Variants in FRMD4A observed in about 807,000 individuals in gnomAD.
The protein encoded by FRMD4A is FERM domain-containing protein 4A.
FRMD4A carries 29 observed loss-of-function variants against 129.1 expected under a neutral mutation model. The ratio of observed to expected loss-of-function variants is 0.22; its 90% CI spans 0.17 to 0.31. FRMD4A has a LOEUF of 0.31. FRMD4A is among the 10% of genes least tolerant of loss of function. FRMD4A has a pLI of 1.00. For missense variants in FRMD4A, 1,272 were observed against 1,375.8 expected (o/e 0.92, Z 1.19); for synonymous variants, 634 against 571.6 (o/e 1.11, Z -1.56).
chr10:14,317,210 C>T (rs1846772887), intron 2 of FRMD4A, among the ~76,000 whole-genome samples: 1 of 152,168 alleles, frequency 6.6e-6, no homozygotes, highest in Non-Finnish European at 1.5e-5. Context: ...AACTCCTTGC[C>T]ATTTATTCTG....
intron 2 of FRMD4A, among the ~76,000 whole-genome samples, chr10:14,044,124 C>G (rs1833891571): frequency 6.6e-6 from 1 of 152,216 alleles, no homozygotes. Context: ...CCACTGTGTC[C>G]TGCCCTTTGG....
chr10:13,972,197 C>T (rs915829328), intron 2 of FRMD4A: 13 of 1,017,334 alleles, frequency 1.3e-5, no homozygotes, highest in Middle Eastern at 4.9e-4. Flanking sequence ...GAAGCACCAC[C>T]GAGTGTTGGG....
chr10:14,163,107 A>C (rs1840992473), intron 2 of FRMD4A, among the ~76,000 whole-genome samples: 1 of 152,310 alleles, frequency 6.6e-6, no homozygotes, highest in South Asian at 2.1e-4. Context: ...CTCAATGCTA[A>C]TTTAAACAAA....
At chr10:13,884,004 C>T (rs992068804) in intron 2 of FRMD4A, among the ~76,000 whole-genome samples, 2 of 151,800 alleles carry the variant, frequency 1.3e-5, no homozygotes, top group Admixed American at 6.6e-5. Flanking sequence ...AAAATTTTTT[C>T]GATGAACATT....
intron 2 of FRMD4A, among the ~76,000 whole-genome samples, chr10:14,102,133 T>A (rs543643781): frequency 6.6e-6 from 1 of 152,284 alleles, no homozygotes. Flanking sequence ...AGGTGGTCCA[T>A]AGATTGGAAG....
chr10:13,678,783 A>G (rs1245699374), intron 15 of FRMD4A, among the ~76,000 whole-genome samples: 1 of 152,206 alleles, frequency 6.6e-6, no homozygotes, highest in Non-Finnish European at 1.5e-5. Flanking sequence ...TCTTTAAAAA[A>G]ATTTTTTTAA....
chr10:14,221,737 T>C (rs78081069), intron 2 of FRMD4A, among the ~76,000 whole-genome samples: 1 of 139,790 alleles, frequency 7.2e-6, no homozygotes, highest in South Asian at 2.3e-4. Context: ...TTTTTTTTTT[T>C]AGAGATGGGG....
chr10:13,683,466 A>G (rs1589359685), intron 15 of FRMD4A, among the ~76,000 whole-genome samples: 3 of 152,048 alleles, frequency 2.0e-5, no homozygotes, highest in African/African-American at 7.2e-5. Context: ...ATGTGGTGGT[A>G]AACGCCTGTA....
At chr10:13,673,560 A>G (rs780929332) in intron 16 of FRMD4A, among the ~76,000 whole-genome samples, 26 of 151,816 alleles carry the variant, frequency 1.7e-4, no homozygotes, top group Non-Finnish European at 3.2e-4. Flanking sequence ...CATGTGCACA[A>G]TGCACACATG....
chr10:13,702,563 T>C (rs2086941675), intron 13 of FRMD4A, among the ~76,000 whole-genome samples: 1 of 151,042 alleles, frequency 6.6e-6, no homozygotes, highest in Non-Finnish European at 1.5e-5. Flanking sequence ...TGTGTGTGTG[T>C]GTGTGCGCAT....
intron 2 of FRMD4A, among the ~76,000 whole-genome samples, chr10:14,142,451 A>C (rs377202130): frequency 3.9e-5 from 6 of 152,368 alleles, no homozygotes; most frequent in African/African-American, 1.4e-4. Flanking sequence ...TCAAAAATTC[A>C]TCATATGCCC....
intron 2 of FRMD4A, among the ~76,000 whole-genome samples, chr10:14,001,342 G>C (rs942210685): frequency 6.6e-6 from 1 of 152,166 alleles, no homozygotes. Flanking sequence ...CATGACGAGG[G>C]GACAAGCTAT....
At chr10:14,327,247 A>C (rs531998371) in intron 2 of FRMD4A, among the ~76,000 whole-genome samples, 1 of 152,378 alleles carries the variant, frequency 6.6e-6, no homozygotes, top group Non-Finnish European at 1.5e-5. Context: ...TCAGCTAATA[A>C]TATGAAACAT....
chr10:13,728,570 A>ATTTTTTTTTTTTTTTT lies in FRMD4A; in HGVS notation c.759+9273_759+9274insAAAAAAAAAAAAAAAA, dbSNP rs1386167455. Among the ~76,000 whole-genome samples the ATTTTTTTTTTTTTTTT allele has an allele frequency of 1.5e-3, 43 of 28,612 alleles. 1 individual carries two copies. Among genetic ancestry groups the ATTTTTTTTTTTTTTTT allele is most frequent in the Admixed American group, 3.4e-3 (6 of 1,760 alleles). The allele number at this position is 28,612 out of a possible 152,430, so 18.8% of individuals were successfully genotyped here. On this transcript the variant is annotated intron_variant, in intron 12 of 24. Coordinates refer to ENST00000357447, the MANE Select transcript of FRMD4A (RefSeq NM_018027.5). ...AGCTCAGTGCTTTCAGGTGATTACCATTCTTTTTTTTTTTTTTTTTGAGAT... is the reference window on the plus strand; with the variant it reads ...AGCTCAGTGCTTTCAGGTGATTACCATTTTTTTTTTTTTTTTTTCTTTTTTTTTTTTTTTTTGAGAT...
intron 2 of FRMD4A, among the ~76,000 whole-genome samples, chr10:14,227,154 C>T (rs1843466979): frequency 6.6e-6 from 1 of 151,900 alleles, no homozygotes; most frequent in African/African-American, 2.4e-5. Flanking sequence ...GCATGCTCTT[C>T]CCTCAGCCTG....
intron 2 of FRMD4A, among the ~76,000 whole-genome samples, chr10:14,251,691 CTTTG>C (rs1437840330): frequency 6.6e-6 from 1 of 152,172 alleles, no homozygotes; most frequent in East Asian, 1.9e-4. Context: ...TAAGAAGTCT[CTTTG>C]AGTGGCTCAG....
chr10:13,705,529 C>T (rs2087338919), intron 13 of FRMD4A, among the ~76,000 whole-genome samples: 1 of 152,142 alleles, frequency 6.6e-6, no homozygotes, highest in African/African-American at 2.4e-5. Context: ...TGCATCTGAC[C>T]CATTGTGGCA....
chr10:14,004,595 A>G (rs985074367), intron 2 of FRMD4A, among the ~76,000 whole-genome samples: 2 of 152,198 alleles, frequency 1.3e-5, no homozygotes, highest in African/African-American at 2.4e-5. Context: ...CTTATACACA[A>G]AGACAGGCAA....
chr10:14,275,819 G>A (rs537182151), intron 2 of FRMD4A, among the ~76,000 whole-genome samples: 2 of 152,210 alleles, frequency 1.3e-5, no homozygotes, highest in Admixed American at 6.5e-5. Context: ...AAGGAGGATC[G>A]CTTGAGTCCA....
Sources: gnomAD v4.1 joint callset for allele counts (sites outside exome capture counted in the v4.1 genomes callset) on GRCh38, gnomAD v4.1.1 for gene constraint, MANE v1.5 for transcripts, NCBI Gene and HGNC (gene_info 2026-07-23, HGNC 2026-07-21) for gene names.